The following PDE1C variants were observed in gnomAD, a reference collection of about 807,000 sequenced individuals.
PDE1C encodes phosphodiesterase 1C.
In PDE1C, 62 loss-of-function variants were observed where a neutral mutation model predicts 93.1. That is an observed-to-expected ratio of 0.67 (90% CI 0.54 to 0.82). PDE1C has a LOEUF of 0.82. PDE1C is among the 40% of genes least tolerant of loss of function. PDE1C has a pLI of 0.00. For synonymous variants in PDE1C, 325 were observed against 310.1 expected, an observed-to-expected ratio of 1.05 and a Z score of -0.50; for missense variants, 742 against 884.6, an observed-to-expected ratio of 0.84 and a Z score of 2.04.
intron 1 of PDE1C, among the ~76,000 whole-genome samples, chr7:32,386,834 G>A (rs1175058897): frequency 3.3e-5 from 5 of 152,174 alleles, no homozygotes; most frequent in Middle Eastern, 3.4e-3. Context: ...AGGTTGATTC[G>A]ATTTGCCCTC....
the PDE1C span, among the ~76,000 whole-genome samples, chr7:31,696,703 A>G: frequency 6.6e-6 from 1 of 152,170 alleles, no homozygotes; most frequent in Non-Finnish European, 1.5e-5. Flanking sequence ...CAGCTTTGTG[A>G]TGGTGGCCAT....
chr7:32,202,049 T>A (rs1001718278), intron 2 of PDE1C, among the ~76,000 whole-genome samples: 1 of 152,166 alleles, frequency 6.6e-6, no homozygotes, highest in Non-Finnish European at 1.5e-5. Flanking sequence ...CACGGAAGCA[T>A]CAGGGAGTGC....
the PDE1C span, among the ~76,000 whole-genome samples, chr7:31,726,927 C>T: frequency 6.6e-6 from 1 of 151,950 alleles, no homozygotes; most frequent in Non-Finnish European, 1.5e-5. Context: ...CCCAGCTATT[C>T]GGGAGGCCTG....
the PDE1C span, among the ~76,000 whole-genome samples, chr7:31,641,328 A>G: frequency 3.9e-5 from 6 of 152,080 alleles, no homozygotes; most frequent in Non-Finnish European, 8.8e-5. Context: ...CACTTCCCAC[A>G]CACATACCTA....
At chr7:32,241,784 A>G (rs532531571) in intron 1 of PDE1C, among the ~76,000 whole-genome samples, 2 of 152,166 alleles carry the variant, frequency 1.3e-5, no homozygotes, top group Non-Finnish European at 2.9e-5. Flanking sequence ...GATCCATTTC[A>G]CCAGTAAGGA....
In PDE1C at chr7:31,868,706, A is replaced by G. The variant is rs569531149; in HGVS notation, c.610-3624T>C. On this transcript the variant is annotated intron_variant, in intron 6 of 17. Transcript: ENST00000396191. ...GACACAGGAAGCTCAAAGATTCCCAAACAGATACAATTCAAAAAGATCTCC... is the reference window on the plus strand; with the variant it reads ...GACACAGGAAGCTCAAAGATTCCCAGACAGATACAATTCAAAAAGATCTCC... 2.6e-5 allele frequency among the ~76,000 whole-genome samples: 4 copies of G among 152,254 alleles called. No individual in the cohort carries two copies. In the South Asian group the frequency reaches 8.3e-4, roughly 32 times the overall value.
the PDE1C span, among the ~76,000 whole-genome samples, chr7:31,629,008 TAA>T: frequency 2.6e-5 from 4 of 152,088 alleles, no homozygotes; most frequent in African/African-American, 9.7e-5. Context: ...GTAGAAAAAT[TAA>T]AGTCTCCAAA....
chr7:32,362,479 T>C (rs1054898003), intron 1 of PDE1C, among the ~76,000 whole-genome samples: 1 of 152,162 alleles, frequency 6.6e-6, no homozygotes, highest in Middle Eastern at 3.2e-3. Context: ...CCCCACTATT[T>C]TTTCCCTCAC....
At chr7:31,963,345 T>C (rs1203709469) in intron 2 of PDE1C, among the ~76,000 whole-genome samples, 1 of 152,250 alleles carries the variant, frequency 6.6e-6, no homozygotes, top group African/African-American at 2.4e-5. Context: ...TGTTTGTTTA[T>C]ATACTTAAAC....
At chr7:32,134,968 T>A (rs568779512) in intron 3 of PDE1C, among the ~76,000 whole-genome samples, 3 of 152,142 alleles carry the variant, frequency 2.0e-5, no homozygotes, top group Non-Finnish European at 4.4e-5. Context: ...TGCAGTACCA[T>A]GGATCAAGTG....
intron 2 of PDE1C, among the ~76,000 whole-genome samples, chr7:32,203,201 TCA>T (rs1272472303): frequency 2.6e-5 from 4 of 151,704 alleles, no homozygotes; most frequent in Non-Finnish European, 4.4e-5. Context: ...ATGGCATTTC[TCA>T]GTCGTTCCTC....
chr7:32,319,098 C>G (rs62457535), intron 1 of PDE1C, among the ~76,000 whole-genome samples: 9,840 of 152,290 alleles, frequency 0.065, 426 homozygotes, highest in Non-Finnish European at 0.092. Context: ...CCCTCCACGC[C>G]GTCACCCGGG....
At chr7:32,228,774 C>T (rs1283132904) in intron 1 of PDE1C, among the ~76,000 whole-genome samples, 3 of 152,154 alleles carry the variant, frequency 2.0e-5, no homozygotes, top group African/African-American at 7.2e-5. Context: ...TGGAGGACTC[C>T]CCAGGGTCAC....
At chr7:31,624,930 A>C in the PDE1C span, among the ~76,000 whole-genome samples, 7 of 152,342 alleles carry the variant, frequency 4.6e-5, no homozygotes, top group Admixed American at 4.6e-4. Context: ...TTACAAGAAA[A>C]AAACAAACAA....
At chr7:32,103,428 G>A (rs373462128) in intron 3 of PDE1C, among the ~76,000 whole-genome samples, 3 of 152,098 alleles carry the variant, frequency 2.0e-5, no homozygotes, top group East Asian at 1.9e-4. Flanking sequence ...TCCTATCCCC[G>A]TGATGCTGGC....
chr7:31,954,791 A>G (rs996267049), intron 2 of PDE1C, among the ~76,000 whole-genome samples: 1 of 152,166 alleles, frequency 6.6e-6, no homozygotes, highest in East Asian at 1.9e-4. Context: ...GGTTTTTGCT[A>G]TTAAAAGTAA....
intron 17 of PDE1C, among the ~76,000 whole-genome samples, chr7:31,756,165 CCTT>C (rs1208670855): frequency 6.6e-6 from 1 of 151,998 alleles, no homozygotes; most frequent in Non-Finnish European, 1.5e-5. Context: ...CAGCAAGACT[CCTT>C]CTCATAAATA....
At chr7:31,908,374 G>A (rs1800846839) in intron 2 of PDE1C, among the ~76,000 whole-genome samples, 1 of 152,110 alleles carries the variant, frequency 6.6e-6, no homozygotes, top group South Asian at 2.1e-4. Flanking sequence ...TTCACTATCT[G>A]TCTGGGTAGC....
At chr7:31,849,483 T>C (rs367640634) in intron 8 of PDE1C, among the ~76,000 whole-genome samples, 2 of 152,196 alleles carry the variant, frequency 1.3e-5, no homozygotes, top group South Asian at 4.1e-4. Context: ...CTGAAGCAAG[T>C]AGCTGAAGTT....
Sources: allele counts gnomAD v4.1 joint callset (sites outside exome capture counted in the v4.1 genomes callset), GRCh38; gene constraint gnomAD v4.1.1; transcripts MANE v1.5; gene names NCBI Gene and HGNC (gene_info 2026-07-23, HGNC 2026-07-21).